The following CNTNAP4 variants were observed in gnomAD, a reference collection of about 807,000 sequenced individuals.
The protein encoded by CNTNAP4 is contactin-associated protein-like 4.
A neutral mutation model predicts 148.4 loss-of-function variants in CNTNAP4; 98 were observed. That is an observed-to-expected ratio of 0.66 (90% CI 0.56 to 0.78). The LOEUF is 0.78. Ranked by LOEUF, CNTNAP4 falls within the 30% of genes least tolerant of loss-of-function variation. The probability of loss-of-function intolerance (pLI) is 0.00; values close to 1 mark genes in which losing one functional copy is unlikely to be tolerated. For missense variants in CNTNAP4, 1,935 were observed against 1,565.6 expected, an observed-to-expected ratio of 1.24 and a Z score of -3.98; for synonymous variants, 730 against 565.1, an observed-to-expected ratio of 1.29 and a Z score of -4.14.
intron 10 of CNTNAP4, among the ~76,000 whole-genome samples, chr16:76,469,062 A>G (rs1400334200): frequency 6.6e-6 from 1 of 152,178 alleles, no homozygotes; most frequent in Non-Finnish European, 1.5e-5. Flanking sequence ...TATCCAATGG[A>G]CCACTCAGTA....
chr16:76,515,498 C>T (rs1381249677), intron 15 of CNTNAP4, among the ~76,000 whole-genome samples: 1 of 152,176 alleles, frequency 6.6e-6, no homozygotes, highest in Non-Finnish European at 1.5e-5. Context: ...CAGTCATCTG[C>T]AAGCCAGGAA....
chr16:76,467,473 C>G lies in CNTNAP4; in HGVS notation c.1605C>G (p.Ser535=). 1 of 1,613,682 alleles carries G rather than the reference C, an allele frequency of 6.2e-7. No individual in the cohort carries two copies. Among genetic ancestry groups the G allele is most frequent in the Non-Finnish European group, 8.5e-7 (1 of 1,179,812 alleles). The change falls in exon 10 of 24, where the codon TCC becomes TCG. Residue 535 remains serine, a synonymous_variant. Coordinates refer to ENST00000611870, the MANE Select transcript of CNTNAP4 (RefSeq NM_033401.5). ...VVDLISVQQG[S]LGNFSDLQID... is the part of the protein sequence containing the mutation. ...ATCTGATTTCAGTTCAGCAGGGGTC[C>G]CTTGGGAACTTCAGTGACCTTCAGA...
intron 2 of CNTNAP4, among the ~76,000 whole-genome samples, chr16:76,323,984 A>G (rs1340462579): frequency 6.6e-6 from 1 of 152,032 alleles, no homozygotes; most frequent in Non-Finnish European, 1.5e-5. Context: ...ATGACAACGT[A>G]CTCTTCTTAT....
chr16:76,408,363 C>CAGTTGTTAATCTATTAACAATTAAT (rs2078675855), intron 3 of CNTNAP4, among the ~76,000 whole-genome samples: 2 of 141,760 alleles, frequency 1.4e-5, no homozygotes, highest in East Asian at 3.9e-4. Flanking sequence ...TAACAATTAA[C>CAGTTGTTAATCTATTAACAATTAAT]AGTTGTTAAT....
chr16:76,285,495 A>G (rs1414617938), intron 1 of CNTNAP4, among the ~76,000 whole-genome samples: 1 of 152,008 alleles, frequency 6.6e-6, no homozygotes, highest in Non-Finnish European at 1.5e-5. Context: ...TTTTTTTATT[A>G]AGTACCTCTC....
At chr16:76,535,130 A>C (rs943089331) in intron 17 of CNTNAP4, among the ~76,000 whole-genome samples, 7 of 152,188 alleles carry the variant, frequency 4.6e-5, no homozygotes, top group Non-Finnish European at 8.8e-5. Context: ...CATAATTCTC[A>C]CAAAGTTAAA....
chr16:76,497,441 C>CA (rs1330908063), intron 14 of CNTNAP4, among the ~76,000 whole-genome samples: 2 of 151,532 alleles, frequency 1.3e-5, no homozygotes, highest in Non-Finnish European at 2.9e-5. Flanking sequence ...AAATGAAATA[C>CA]AAAAAATATG....
chr16:76,423,915 T>A (rs1186151821), intron 3 of CNTNAP4, among the ~76,000 whole-genome samples: 1 of 152,154 alleles, frequency 6.6e-6, no homozygotes, highest in African/African-American at 2.4e-5. Flanking sequence ...TTCCTATGTG[T>A]GTCTCCATTA....
At position 76,344,901 on chromosome 16, in the gene CNTNAP4, G is replaced by A. The variant is rs142542691; in HGVS notation, c.197-10417G>A. 2.0e-3 allele frequency among the ~76,000 whole-genome samples: 308 copies of A among 152,252 alleles called. 1 individual carries two copies. The East Asian group carries it at 0.043, about 21-fold the overall frequency. On this transcript the variant is annotated intron_variant, in intron 2 of 23. Coordinates refer to ENST00000611870, the MANE Select transcript of CNTNAP4 (RefSeq NM_033401.5). The stretch of plus-strand genomic sequence containing the variant: ...ATGTACTCATATGATGTCATGGCAC[G>A]GTTAGATGGGGGCTCCCCTGGCTAA...
chr16:76,468,184 T>C (rs1488853847), intron 10 of CNTNAP4, among the ~76,000 whole-genome samples: 1 of 151,990 alleles, frequency 6.6e-6, no homozygotes, highest in Non-Finnish European at 1.5e-5. Context: ...AAAAATAATA[T>C]ATATTTTTGG....
chr16:76,398,657 C>T (rs1005018662), intron 3 of CNTNAP4, among the ~76,000 whole-genome samples: 5 of 152,114 alleles, frequency 3.3e-5, no homozygotes, highest in Admixed American at 1.3e-4. Flanking sequence ...AGAGTTATAA[C>T]AGTGTACACT....
Position 76,486,189 on chromosome 16 carries a change from A to T in CNTNAP4, c.1883-3497A>T, listed in dbSNP as rs571796365. ...TTTCTGCCTATTTCAGCCATCTCTT[A>T]TTCATTTCCCTGTCTCCTTACCCTA... is the stretch of plus-strand genomic sequence containing the variant. On this transcript the variant is annotated intron_variant, in intron 12 of 23. Transcript: ENST00000611870. 8.1e-4 allele frequency among the ~76,000 whole-genome samples: 124 copies of T among 152,306 alleles called. 1 individual carries two copies. Among genetic ancestry groups the T allele is most frequent in the Non-Finnish European group, 1.4e-3 (94 of 68,016 alleles).
intron 14 of CNTNAP4, 179 bp downstream of exon 14, chr16:76,495,245 TTTGAG>T: frequency 1.9e-6 from 1 of 516,694 alleles, no homozygotes; most frequent in Non-Finnish European, 3.3e-6. Flanking sequence ...TCAATGCCTT[TTTGAG>T]TTATTTTCTG....
intron 4 of CNTNAP4, among the ~76,000 whole-genome samples, chr16:76,442,849 C>G (rs1475372812): frequency 6.6e-6 from 1 of 152,102 alleles, no homozygotes; most frequent in Non-Finnish European, 1.5e-5. Flanking sequence ...TGGAGACAAA[C>G]CACATCCATA....
At chr16:76,412,670 C>CGTT (rs1568060384) in intron 3 of CNTNAP4, among the ~76,000 whole-genome samples, 6 of 150,874 alleles carry the variant, frequency 4.0e-5, no homozygotes, top group Non-Finnish European at 7.4e-5. Flanking sequence ...CATTTAAATA[C>CGTT]TTTTTTCTCT....
intron 1 of CNTNAP4, among the ~76,000 whole-genome samples, chr16:76,307,410 T>A (rs1277102743): frequency 6.7e-6 from 1 of 150,290 alleles, no homozygotes; most frequent in East Asian, 1.9e-4. Context: ...ATTATCATTG[T>A]GGAAAAAATG....
At chr16:76,530,367 C>T (rs897777250) in intron 17 of CNTNAP4, among the ~76,000 whole-genome samples, 1 of 152,146 alleles carries the variant, frequency 6.6e-6, no homozygotes, top group African/African-American at 2.4e-5. Context: ...ATCCTTGAGG[C>T]ATCTTTTTCA....
rs1243619071 is a variant in CNTNAP4 at position 76,277,564 on chromosome 16, G to A, written c.-99G>A. ...GGGGGAGAGACAGAGACCTAGAGGG[G>A]CTGAAGACCCAGACAGAGCTGGCAG... On this transcript the variant is annotated 5_prime_UTR_variant, in exon 1 of 24. Coordinates refer to ENST00000611870, the MANE Select transcript of CNTNAP4 (RefSeq NM_033401.5). 4.7e-5 allele frequency: 36 copies of A among 759,122 alleles called. No individual in the cohort carries two copies. Among genetic ancestry groups the A allele is most frequent in the Admixed American group, 2.6e-4 (12 of 46,798 alleles). The allele number at this position is 759,122 out of a possible 1,614,324, so 47.0% of individuals were successfully genotyped here. A position where few individuals can be genotyped will look rare whatever the true frequency, so the allele number is the denominator to read the frequency against.
At chr16:76,277,930 CA>C (rs1958541336) in intron 1 of CNTNAP4, among the ~76,000 whole-genome samples, 183 bp downstream of exon 1, 1 of 152,194 alleles carries the variant, frequency 6.6e-6, no homozygotes, top group African/African-American at 2.4e-5. Flanking sequence ...TTGGTCTGGT[CA>C]AAATAGGCAA....
Sources: allele counts gnomAD v4.1 joint callset (sites outside exome capture counted in the v4.1 genomes callset), GRCh38; gene constraint gnomAD v4.1.1; transcripts MANE v1.5; gene names NCBI Gene and HGNC (gene_info 2026-07-23, HGNC 2026-07-21).